Variants in TTN observed in about 807,000 individuals in gnomAD.
TTN encodes connectin.
In TTN, 1,525 loss-of-function variants were observed where a neutral mutation model predicts 3,223.0. That is an observed-to-expected ratio of 0.47 (90% CI 0.45 to 0.49). The LOEUF is 0.49. Ranked by LOEUF, TTN falls within the 20% of genes least tolerant of loss-of-function variation. TTN has a pLI of 0.00. For missense variants in TTN, 40,786 were observed against 43,424.0 expected (o/e 0.94, Z 5.40); for synonymous variants, 14,094 against 15,161.0 (o/e 0.93, Z 5.17).
At position 178,748,088 on chromosome 2, in the gene TTN, C is replaced by T. The variant is rs773124610; in HGVS notation, c.11311+5036G>A. 1.4e-5 allele frequency: 23 copies of T among 1,612,948 alleles called. 1 individual carries two copies. In the South Asian group the frequency reaches 2.5e-4, roughly 18 times the overall value. ...ACCAACCCCTAAAGGCTTTTCCTCA[C>T]TTGCTGCTTTTTTCAAATGTGAGAT... On this transcript the variant is annotated intron_variant, in intron 47 of 362. Coordinates refer to ENST00000589042, the MANE Select transcript of TTN (RefSeq NM_001267550.2).
At position 178,539,628 on chromosome 2, in the gene TTN, C is replaced by G; in HGVS notation, c.98437G>C (p.Val32813Leu). 6.2e-7 allele frequency: 1 copy of G among 1,613,842 alleles called. No homozygotes were observed. The highest frequency in any genetic ancestry group is 8.5e-7 in the Non-Finnish European group (1 of 1,179,808). Residue 32813 changes from valine (V) to leucine (L), a missense_variant, in exon 352 of 363, where the codon GTG becomes CTG. Transcript: ENST00000589042. ...GCAGGAGGTCTCCAGCTGACCCTCACAGAGCGGACTTGGATGTCATCATAT... is the reference window on the plus strand; with the variant it reads ...GCAGGAGGTCTCCAGCTGACCCTCAGAGAGCGGACTTGGATGTCATCATAT... ...LEYDDIQVRS[V>L]RVSWRPPADD...
chr2:178,570,032 G>T lies in TTN; in HGVS notation c.76100C>A (p.Thr25367Asn). 6.2e-7 allele frequency: 1 copy of T among 1,613,258 alleles called. No homozygotes were observed. The highest frequency in any genetic ancestry group is 2.2e-5 in the East Asian group (1 of 44,764). Residue 25367 changes from threonine to asparagine, a missense_variant, in exon 326 of 363, where the codon ACT (threonine) becomes AAT (asparagine). By Grantham distance (65) the Thr-to-Asn change is moderately conservative (BLOSUM62 0). Coordinates refer to ENST00000589042, the MANE Select transcript of TTN (RefSeq NM_001267550.2). ...RLIGELRLRV[T>N]GLIENHDYEF... ...ATAATCGTGATTTTCTATGAGTCCA[G>T]TTACTCTCAGGCGCAACTCTCCAAT... is the stretch of plus-strand genomic sequence containing the variant.
chr2:178,653,462 A>C lies in TTN; in HGVS notation c.38672T>G (p.Val12891Gly). 6.4e-7 allele frequency: 1 copy of C among 1,565,610 alleles called. No homozygotes were observed. Among genetic ancestry groups the C allele is most frequent in the Non-Finnish European group, 8.6e-7 (1 of 1,165,794 alleles). The change falls in exon 197 of 363, where the codon GTG (valine) becomes GGG (glycine). Residue 12891 changes from valine (V) to glycine (G), a missense_variant. Coordinates refer to ENST00000589042, the MANE Select transcript of TTN (RefSeq NM_001267550.2). ...TGGAACTTCTGGCTTTTTAGGAAGC[A>C]CCAGTGTTTTCTTTTCTGGCACAAT... ...QEIVPEKKTL[V>G]LPKKPEVPPV...
Position 178,570,187 on chromosome 2 carries a change from T to G in TTN, c.75945A>C (p.Thr25315=). The part of the protein sequence containing the change: ...PDAPKAPEVT[T]VTKDSMIVVW... ...CAACAATCATTGAGTCCTTGGTCAC[T>G]GTTGTGACTTCTGGAGCTTTTGGTG... Residue 25315 remains threonine, a synonymous_variant, in exon 326 of 363, where the codon ACA becomes ACC. Transcript: ENST00000589042. 1.9e-6 allele frequency: 3 copies of G among 1,613,536 alleles called. No individual in the cohort carries two copies. Among genetic ancestry groups the G allele is most frequent in the Non-Finnish European group, 2.5e-6 (3 of 1,179,634 alleles).
At position 178,614,334 on chromosome 2, in the gene TTN, G is replaced by T. The variant is rs762930123; in HGVS notation, c.49063C>A (p.Pro16355Thr). ...ACATCTGTGATGTCAAAGGCAGCTG[G>T]TGGTCCGGGTTTATCTGTGTATGGC... is the stretch of plus-strand genomic sequence containing the variant. ...EVNVLDKPGP[P>T]AAFDITDVTN... The change falls in exon 262 of 363, where the codon CCA becomes ACA. Residue 16355 changes from proline (P) to threonine (T), a missense_variant. Coordinates refer to ENST00000589042, the MANE Select transcript of TTN (RefSeq NM_001267550.2). 1.9e-6 allele frequency: 3 copies of T among 1,612,346 alleles called. No individual in the cohort carries two copies. The highest frequency in any genetic ancestry group is 2.5e-6 in the Non-Finnish European group (3 of 1,179,174).
chr2:178,605,268 C>A lies in TTN; in HGVS notation c.53909G>T (p.Ser17970Ile). The change falls in exon 280 of 363, where the codon AGT becomes ATT. Residue 17970 changes from serine (S) to isoleucine (I), a missense_variant. Transcript: ENST00000589042. ...EVPPTIKLRLSVRGDTIKVKA... is the reference protein window; with the variant it reads ...EVPPTIKLRLIVRGDTIKVKA... ...AACTTTGATAGTGTCTCCTCGAACA[C>A]TCAGACGCAACTTAATAGTTGGAGG... is the stretch of plus-strand genomic sequence containing the variant. The A allele has an allele frequency of 6.3e-7, 1 of 1,595,656 alleles. No individual in the cohort carries two copies. Among genetic ancestry groups the A allele is most frequent in the Non-Finnish European group, 8.5e-7 (1 of 1,171,060 alleles).
chr2:178,633,197 G>A lies in TTN; in HGVS notation c.43076C>T (p.Thr14359Ile), dbSNP rs779102939. Reference protein sequence around the residue: ...GQWKLKGQPLTASPDCEIIED... With the variant: ...GQWKLKGQPLIASPDCEIIED... ...CTAATCTTGACTTACAGGGGAAGCT[G>A]TCAAAGGCTGTCCTTTCAGCTTCCA... Residue 14359 changes from threonine (T) to isoleucine (I), a missense_variant, in exon 233 of 363, where the codon ACA (threonine) becomes ATA (isoleucine). Coordinates refer to ENST00000589042, the MANE Select transcript of TTN (RefSeq NM_001267550.2). 19 of 1,612,400 alleles carry A rather than the reference G, an allele frequency of 1.2e-5. No individual in the cohort carries two copies. The highest frequency in any genetic ancestry group is 1.4e-5 in the Non-Finnish European group (17 of 1,179,160).
chr2:178,747,656 C>G (rs72648907), intron 47 of TTN: 1 of 1,613,068 alleles, frequency 6.2e-7, no homozygotes, highest in Admixed American at 1.7e-5. Context: ...AGGAACCTCA[C>G]GCTTTCCAGC....
At chr2:178,785,570 G>T (rs968797413) in intron 15 of TTN, 50 bp downstream of exon 15, 1 of 1,611,812 alleles carries the variant, frequency 6.2e-7, no homozygotes, top group African/African-American at 1.3e-5. Flanking sequence ...TCACAGGTTA[G>T]ATACTTATTT....
chr2:178,606,706 C>T (rs1017210700), intron 278 of TTN, among the ~76,000 whole-genome samples: 9 of 151,800 alleles, frequency 5.9e-5, no homozygotes, highest in African/African-American at 1.7e-4. Context: ...TTTAAAAACC[C>T]GACTTCCAAT....
rs200797552 is a variant in TTN, at chr2:178,578,078, C to T, written c.68437G>A (p.Glu22813Lys). Residue 22813 changes from glutamate to lysine, a missense_variant, in exon 322 of 363, where the codon GAA (glutamate) becomes AAA (lysine). By Grantham distance (56) the Glu-to-Lys change is moderately conservative. Transcript: ENST00000589042. ...FKVTGLTEGL[E>K]YEFRVMAINL... is the part of the protein sequence containing the mutation. ...ATTGCCATAACTCGGAATTCATATTCAAGACCTTCAGTTAATCCTGTCACT... is the reference window on the plus strand; with the variant it reads ...ATTGCCATAACTCGGAATTCATATTTAAGACCTTCAGTTAATCCTGTCACT... 1.7e-4 allele frequency: 267 copies of T among 1,613,166 alleles called. 3 individuals carry two copies. Among genetic ancestry groups the T allele is most frequent in the Admixed American group, 5.0e-5 (3 of 59,966 alleles).
At position 178,550,179 on chromosome 2, in the gene TTN, T is replaced by G. The variant is rs1257917653; in HGVS notation, c.91659A>C (p.Arg30553Ser). 1 of 1,613,706 alleles carries G rather than the reference T, an allele frequency of 6.2e-7. No homozygotes were observed. Among genetic ancestry groups the G allele is most frequent in the Non-Finnish European group, 8.5e-7 (1 of 1,179,786 alleles). ...SLRIKALVQG[R>S]PVPRVTWFKD... ...TGAACCAAGTTACTCGAGGCACTGG[T>G]CTTCCTTGTACCAAAGCTTTAATTC... Residue 30553 changes from arginine (R) to serine (S), a missense_variant, in exon 337 of 363, where the codon AGA becomes AGC. Physicochemically the swap from Arg to Ser is moderately radical, Grantham distance 110. Transcript: ENST00000589042.
rs757008808 is a variant in TTN, at chr2:178,717,380, G to T, written c.25354C>A (p.His8452Asn). The T allele has an allele frequency of 1.2e-6, 2 of 1,603,760 alleles. No homozygotes were observed. Among genetic ancestry groups the T allele is most frequent in the Admixed American group, 3.4e-5 (2 of 59,180 alleles). Residue 8452 changes from histidine to asparagine, a missense_variant and splice_region_variant, in exon 88 of 363, where the codon CAT (histidine) becomes AAT (asparagine). His to Asn is a moderately conservative substitution (Grantham distance 68). Transcript: ENST00000589042. ...AGATCAAAGAAAGGAGGCACTTCAT[G>T]CTCTGAAAAGAATGAAGACCAACAT... ...SSSAKLILSE[H>N]EVPPFFDLKP...
In TTN at chr2:178,774,930, T is replaced by C; in HGVS notation, c.6781A>G (p.Ile2261Val). Residue 2261 changes from isoleucine to valine, a missense_variant, in exon 29 of 363, where the codon ATT (isoleucine) becomes GTT (valine). Transcript: ENST00000589042. ...CTTCGTTGTTGAATACCTTCAACAA[T>C]AAGTTTAGCAGTCGTTTTGACATTT... is the stretch of plus-strand genomic sequence containing the variant. ...DENVKTTAKL[I>V]VEGAVVEFVK... 1 of 1,613,694 alleles carries C rather than the reference T, an allele frequency of 6.2e-7. No homozygotes were observed. The highest frequency in any genetic ancestry group is 8.5e-7 in the Non-Finnish European group (1 of 1,179,848).
At chr2:178,710,493 TA>T in intron 98 of TTN, 141 bp downstream of exon 98, 1 of 1,058,302 alleles carries the variant, frequency 9.4e-7, no homozygotes, top group Non-Finnish European at 1.3e-6. Context: ...CTTCTCTAGA[TA>T]AACTTATTTC....
chr2:178,638,824 G>A (rs760607987), intron 223 of TTN, among the ~76,000 whole-genome samples: 9 of 151,950 alleles, frequency 5.9e-5, no homozygotes, highest in Admixed American at 1.3e-4. Context: ...TGCATGTGCA[G>A]TTTTGTTATG....
In TTN at chr2:178,675,908, G is replaced by A. The variant is rs771926210; in HGVS notation, c.34453+13C>T. On this transcript the variant is annotated intron_variant, in intron 148 of 362. Transcript: ENST00000589042. ...GAAATGGCATAGTCTAATTTACTTC[G>A]GAATAGCAATACCTTTGGCAGGGGG... 30 of 1,603,762 alleles carry A rather than the reference G, an allele frequency of 1.9e-5. No individual in the cohort carries two copies. The highest frequency in any genetic ancestry group is 2.7e-5 in the African/African-American group (2 of 74,706).
chr2:178,725,245 C>G, intron 71 of TTN, 123 bp downstream of exon 71: 1 of 1,085,224 alleles, frequency 9.2e-7, no homozygotes, highest in Non-Finnish European at 1.2e-6. Context: ...TTCCTCTAGA[C>G]CTTTCAAATA....
rs777877044 is a variant in TTN at position 178,652,698 on chromosome 2, C to G, written c.38998G>C (p.Val13000Leu). ...APKEVVPEKK[V>L]PSAPPKKPEV... ...GGCTTTTTAGGAGGAGCCGAGGGCA[C>G]TTTCTTTTCAGGAACAACCTCTTTG... The change falls in exon 201 of 363, where the codon GTG (valine) becomes CTG (leucine). Residue 13000 changes from valine to leucine, a missense_variant. Physicochemically the swap from Val to Leu is conservative, Grantham distance 32. Transcript: ENST00000589042. The G allele has an allele frequency of 6.2e-7, 1 of 1,608,900 alleles. No homozygotes were observed. Among genetic ancestry groups the G allele is most frequent in the Admixed American group, 1.7e-5 (1 of 59,624 alleles).
Sources: gnomAD v4.1 joint callset for allele counts (sites outside exome capture counted in the v4.1 genomes callset) on GRCh38, gnomAD v4.1.1 for gene constraint, MANE v1.5 for transcripts, NCBI Gene and HGNC (gene_info 2026-07-23, HGNC 2026-07-21) for gene names.